The following CRTAM variants were observed in gnomAD, a reference collection of about 807,000 sequenced individuals.
The protein encoded by CRTAM is cytotoxic and regulatory T cell molecule, also known as cytotoxic and regulatory T-cell molecule.
CRTAM carries 44 observed loss-of-function variants against 50.0 expected under a neutral mutation model. The observed-to-expected ratio is 0.88, with a 90% CI of 0.69 to 1.13. CRTAM has a LOEUF of 1.13. Ranked by LOEUF, CRTAM falls within the 50% of genes most tolerant of loss-of-function variation. The pLI, the probability that CRTAM is intolerant of heterozygous loss-of-function variation, is 0.00. For missense variants in CRTAM, 448 were observed against 457.5 expected (o/e 0.98, Z 0.19); for synonymous variants, 159 against 169.3 (o/e 0.94, Z 0.47).
At chr11:122,864,038 GA>G (rs1862135916) in intron 6 of CRTAM, among the ~76,000 whole-genome samples, 1 of 152,046 alleles carries the variant, frequency 6.6e-6, no homozygotes, top group Non-Finnish European at 1.5e-5. Flanking sequence ...ATCTTATCTA[GA>G]AAAAACATCA....
intron 1 of CRTAM, among the ~76,000 whole-genome samples, chr11:122,848,518 A>G (rs181935819): frequency 1.3e-5 from 2 of 152,330 alleles, no homozygotes; most frequent in Non-Finnish European, 2.9e-5. Flanking sequence ...TTAGAACTCC[A>G]GCAAACAGTT....
Position 122,871,540 on chromosome 11 carries a change from C to T in CRTAM, c.*141C>T. 1 of 632,610 alleles carries T rather than the reference C, an allele frequency of 1.6e-6. No individual in the cohort carries two copies. The highest frequency in any genetic ancestry group is 2.6e-6 in the Non-Finnish European group (1 of 392,092). The allele number at this position is 632,610 out of a possible 1,614,324, so 39.2% of individuals were successfully genotyped here. On this transcript the variant is annotated 3_prime_UTR_variant, in exon 10 of 10. Transcript: ENST00000227348. The stretch of plus-strand genomic sequence containing the variant: ...CAAGATGGTGTCCTCGGATAATGAT[C>T]TGCCCCGGAGCTAGGGCAGCAACAT...
chr11:122,869,171 G>A (rs1054469193), intron 9 of CRTAM, among the ~76,000 whole-genome samples: 7 of 152,106 alleles, frequency 4.6e-5, no homozygotes, highest in Admixed American at 2.0e-4. Flanking sequence ...ACTTCCTTTT[G>A]GGAAGCCATC....
chr11:122,862,561 T>C lies in CRTAM; in HGVS notation c.733+17T>C. 3 of 1,447,398 alleles carry C rather than the reference T, an allele frequency of 2.1e-6. No individual in the cohort carries two copies. Among genetic ancestry groups the C allele is most frequent in the Non-Finnish European group, 2.9e-6 (3 of 1,046,986 alleles). The allele number at this position is 1,447,398 out of a possible 1,614,324, so 89.7% of individuals were successfully genotyped here. The stretch of plus-strand genomic sequence containing the variant: ...CCAGTACTGGTAAGTGTCAAAATCA[T>C]TCAAACTTGTTTTTAAAAAATCACG... On this transcript the variant is annotated intron_variant, in intron 6 of 9. Transcript: ENST00000227348.
intron 5 of CRTAM, among the ~76,000 whole-genome samples, chr11:122,856,612 T>G (rs918819875): frequency 6.6e-6 from 1 of 152,236 alleles, no homozygotes; most frequent in African/African-American, 2.4e-5. Flanking sequence ...ATTACTCACA[T>G]CAGTGAAAGA....
At chr11:122,854,165 A>G in intron 4 of CRTAM, 79 bp downstream of exon 4, 2 of 1,422,480 alleles carry the variant, frequency 1.4e-6, no homozygotes, top group East Asian at 4.6e-5. Context: ...GGCACCCTCT[A>G]GTGGCAGACA....
intron 1 of CRTAM, among the ~76,000 whole-genome samples, chr11:122,840,262 A>T (rs1861783131): frequency 6.6e-6 from 1 of 152,238 alleles, no homozygotes; most frequent in African/African-American, 2.4e-5. Context: ...ACACTTAATC[A>T]TAGCGGAAGT....
chr11:122,839,453 A>G (rs780875358), intron 1 of CRTAM, among the ~76,000 whole-genome samples: 11 of 152,226 alleles, frequency 7.2e-5, no homozygotes, highest in Non-Finnish European at 1.3e-4. Flanking sequence ...AATGAGACCA[A>G]TGAAAACTTC....
rs1862187447 is a variant in CRTAM at position 122,867,187 on chromosome 11, C to A, written c.818-222C>A. ...CGTCACTTAAAAAATCTTTTCAAAT[C>A]ATCACACATAATTGCCTTGTTTGTT... On this transcript the variant is annotated intron_variant, in intron 7 of 9. Transcript: ENST00000227348. 2.6e-5 allele frequency among the ~76,000 whole-genome samples: 4 copies of A among 152,122 alleles called. No homozygotes were observed. In the South Asian group the frequency reaches 8.3e-4, roughly 31 times the overall value.
chr11:122,862,599 G>T, intron 6 of CRTAM, 55 bp downstream of exon 6: 1 of 1,146,112 alleles, frequency 8.7e-7, no homozygotes, highest in East Asian at 2.4e-5. Flanking sequence ...TCCTTGGGAA[G>T]GTTATTTTTC....
At chr11:122,864,260 G>T (rs571431083) in intron 6 of CRTAM, among the ~76,000 whole-genome samples, 1 of 152,158 alleles carries the variant, frequency 6.6e-6, no homozygotes. Flanking sequence ...TAAATGCTGG[G>T]CTCTAGAGTT....
chr11:122,863,481 A>G (rs1862126798), intron 6 of CRTAM, among the ~76,000 whole-genome samples: 1 of 152,198 alleles, frequency 6.6e-6, no homozygotes, highest in Admixed American at 6.5e-5. Context: ...TGTGTCAATA[A>G]TAATTTCATT....
chr11:122,870,365 G>A (rs12225380), intron 9 of CRTAM, among the ~76,000 whole-genome samples: 2 of 151,988 alleles, frequency 1.3e-5, no homozygotes, highest in Non-Finnish European at 2.9e-5. Flanking sequence ...ACAGGCATGA[G>A]CCACCACGCC....
At chr11:122,864,070 G>A (rs1375839781) in intron 6 of CRTAM, among the ~76,000 whole-genome samples, 1 of 152,122 alleles carries the variant, frequency 6.6e-6, no homozygotes, top group Non-Finnish European at 1.5e-5. Flanking sequence ...CACTTCTAAT[G>A]GGGAGGCAAG....
intron 5 of CRTAM, among the ~76,000 whole-genome samples, chr11:122,859,839 A>G (rs886510848): frequency 6.6e-6 from 1 of 152,222 alleles, no homozygotes; most frequent in Non-Finnish European, 1.5e-5. Flanking sequence ...TGATTTTTCT[A>G]ACATTATGTT....
In CRTAM at chr11:122,863,791, A is replaced by G. The variant is rs17338038; in HGVS notation, c.734-845A>G. 6.2e-3 allele frequency among the ~76,000 whole-genome samples: 947 copies of G among 152,252 alleles called. 8 individuals are homozygous for G. The highest frequency in any genetic ancestry group is 0.02 in the South Asian group (98 of 4,826). On this transcript the variant is annotated intron_variant, in intron 6 of 9. Coordinates refer to ENST00000227348, the MANE Select transcript of CRTAM (RefSeq NM_019604.4). ...AATTTTCTGCTCTGCTTTTTCATAT[A>G]TAAGACTTTTAAAATAGGGTTTCTA...
At chr11:122,855,164 G>A (rs941458709) in intron 4 of CRTAM, among the ~76,000 whole-genome samples, 6 of 152,130 alleles carry the variant, frequency 3.9e-5, no homozygotes, top group South Asian at 2.1e-4. Flanking sequence ...GGCTGGTCTC[G>A]AACCCCTGAC....
intron 1 of CRTAM, among the ~76,000 whole-genome samples, chr11:122,846,606 C>T (rs1861866686): frequency 6.6e-6 from 1 of 151,832 alleles, no homozygotes; most frequent in Non-Finnish European, 1.5e-5. Context: ...TATTATTTCA[C>T]AGAGTTCTAA....
At position 122,843,637 on chromosome 11, in the gene CRTAM, A is replaced by G. The variant is rs141830344; in HGVS notation, c.46+5045A>G. Among the ~76,000 whole-genome samples, 29 of 152,316 alleles carry G rather than the reference A, an allele frequency of 1.9e-4. No individual in the cohort carries two copies. The East Asian group carries it at 5.0e-3, about 26-fold the overall frequency. On this transcript the variant is annotated intron_variant, in intron 1 of 9. Transcript: ENST00000227348. ...TGTCTCTAGAGCCTACAGAGGAGGA[A>G]GTGGTAAGCAAAGAAGATATCTCAC...
Sources: allele counts gnomAD v4.1 joint callset (sites outside exome capture counted in the v4.1 genomes callset), GRCh38; gene constraint gnomAD v4.1.1; transcripts MANE v1.5; gene names NCBI Gene and HGNC (gene_info 2026-07-23, HGNC 2026-07-21).